CCDC171: variants seen among roughly 807,000 people sequenced by gnomAD.
CCDC171 encodes coiled-coil domain containing 171.
In CCDC171, 177 loss-of-function variants were observed where a neutral mutation model predicts 168.2. The observed-to-expected ratio is 1.05, with a 90% CI of 0.93 to 1.19. The LOEUF is 1.19. Ranked by LOEUF, CCDC171 falls within the 50% of genes most tolerant of loss-of-function variation. CCDC171 has a pLI of 0.00. For synonymous variants in CCDC171, 687 were observed against 540.8 expected, an observed-to-expected ratio of 1.27 and a Z score of -3.75; for missense variants, 1,991 against 1,539.0, an observed-to-expected ratio of 1.29 and a Z score of -4.91.
At chr9:15,699,464 C>T (rs2051502933) in intron 11 of CCDC171, among the ~76,000 whole-genome samples, 2 of 152,146 alleles carry the variant, frequency 1.3e-5, no homozygotes, top group African/African-American at 4.8e-5. Flanking sequence ...TCTTTTTATT[C>T]TCTTATCCGG....
chr9:16,050,395 C>T (rs1486026530), intron 1 of CCDC171, among the ~76,000 whole-genome samples: 1 of 152,182 alleles, frequency 6.6e-6, no homozygotes, highest in South Asian at 2.1e-4. Flanking sequence ...AGACCATAAT[C>T]ACTGTCCAAA....
chr9:15,993,725 A>C (rs1832279715), intron 3 of CCDC171, among the ~76,000 whole-genome samples: 2 of 152,230 alleles, frequency 1.3e-5, no homozygotes, highest in South Asian at 4.1e-4. Flanking sequence ...CAGAATCTAC[A>C]AAGAACTCAA....
intron 25 of CCDC171, among the ~76,000 whole-genome samples, chr9:15,953,322 A>G (rs1829422920): frequency 6.6e-6 from 1 of 152,176 alleles, no homozygotes; most frequent in Non-Finnish European, 1.5e-5. Flanking sequence ...CCTTTCATAT[A>G]TATGACCTTT....
the CCDC171 span, among the ~76,000 whole-genome samples, chr9:16,078,840 T>G: frequency 6.6e-6 from 1 of 152,144 alleles, no homozygotes; most frequent in Non-Finnish European, 1.5e-5. Flanking sequence ...GGGTCAGAAG[T>G]GACTGGTTAC....
rs1347707427 is a variant in CCDC171 at position 15,972,624 on chromosome 9, A to G, written c.*788A>G. On this transcript the variant is annotated 3_prime_UTR_variant, in exon 26 of 26. Transcript: ENST00000380701. ...TTCCCACACTAGGATAGCAGGTAAT[A>G]TATTTAGTATAAGCTGAAAAACTTC... 1 of 152,184 alleles carries G rather than the reference A, an allele frequency of 6.6e-6. No homozygotes were observed. Among genetic ancestry groups the G allele is most frequent in the Admixed American group, 6.6e-5 (1 of 15,262 alleles). The allele number at this position is 152,184 out of a possible 1,614,324, so 9.4% of individuals were successfully genotyped here.
chr9:15,967,051 C>A (rs1278781459), intron 25 of CCDC171, among the ~76,000 whole-genome samples: 1 of 152,062 alleles, frequency 6.6e-6, no homozygotes, highest in African/African-American at 2.4e-5. Context: ...GTGATTTTTG[C>A]CAACTCTGGC....
chr9:15,706,500 C>T (rs1225030317), intron 11 of CCDC171, among the ~76,000 whole-genome samples: 1 of 152,048 alleles, frequency 6.6e-6, no homozygotes, highest in Non-Finnish European at 1.5e-5. Flanking sequence ...GTTGCCCAGG[C>T]TGGTCTCCAA....
chr9:15,786,540 A>T (rs1250564615), intron 21 of CCDC171, among the ~76,000 whole-genome samples: 7 of 152,154 alleles, frequency 4.6e-5, no homozygotes, highest in Non-Finnish European at 1.0e-4. Flanking sequence ...CTTACTTCAA[A>T]CACCATGTCA....
intron 24 of CCDC171, among the ~76,000 whole-genome samples, chr9:15,876,387 A>G (rs1203948340): frequency 6.6e-6 from 1 of 152,156 alleles, no homozygotes; most frequent in African/African-American, 2.4e-5. Context: ...CTTTGAATAT[A>G]TCATCTTATT....
At chr9:15,769,224 G>A (rs2056887229) in intron 18 of CCDC171, among the ~76,000 whole-genome samples, 1 of 152,214 alleles carries the variant, frequency 6.6e-6, no homozygotes. Context: ...AAAACTGAGA[G>A]CATGATAGTA....
At chr9:15,644,926 G>A in intron 7 of CCDC171, among the ~76,000 whole-genome samples, 1 of 152,220 alleles carries the variant, frequency 6.6e-6, no homozygotes, top group East Asian at 1.9e-4. Flanking sequence ...TGAGATCTGA[G>A]AACAAACACA....
At chr9:15,641,878 G>A (rs960219703) in intron 7 of CCDC171, among the ~76,000 whole-genome samples, 2 of 152,176 alleles carry the variant, frequency 1.3e-5, no homozygotes, top group Non-Finnish European at 2.9e-5. Context: ...CAGAACTGTT[G>A]TTTGGCTAGG....
At chr9:15,782,460 G>A (rs2057715246) in intron 20 of CCDC171, among the ~76,000 whole-genome samples, 1 of 152,150 alleles carries the variant, frequency 6.6e-6, no homozygotes. Context: ...GGACAAGAGA[G>A]GCTAAAATTA....
intron 18 of CCDC171, among the ~76,000 whole-genome samples, chr9:15,762,655 G>A (rs1310224536): frequency 6.6e-6 from 1 of 152,128 alleles, no homozygotes; most frequent in Non-Finnish European, 1.5e-5. Flanking sequence ...TAAGCCAAAT[G>A]TATTGTGATA....
intron 8 of CCDC171, among the ~76,000 whole-genome samples, chr9:16,036,918 A>C (rs1380097875): frequency 6.6e-6 from 1 of 152,228 alleles, no homozygotes; most frequent in African/African-American, 2.4e-5. Flanking sequence ...GAGATAAGTC[A>C]GGCACAGAAA....
chr9:16,100,993 A>T, the CCDC171 span, among the ~76,000 whole-genome samples: 1 of 152,274 alleles, frequency 6.6e-6, no homozygotes, highest in South Asian at 2.1e-4. Context: ...ACAGCCTGGG[A>T]ACGGCAGTTG....
At chr9:15,556,474 A>C (rs1315870211) in intron 1 of CCDC171, among the ~76,000 whole-genome samples, 3 of 152,106 alleles carry the variant, frequency 2.0e-5, no homozygotes, top group African/African-American at 7.2e-5. Context: ...TTTGATTTGC[A>C]TTTCTCTGAT....
intron 1 of CCDC171, among the ~76,000 whole-genome samples, chr9:16,058,569 C>G (rs966736325): frequency 3.3e-5 from 5 of 152,204 alleles, no homozygotes; most frequent in Admixed American, 6.5e-5. Context: ...TAAAGAGGGA[C>G]TTTGCAAGGT....
chr9:15,568,880 C>T (rs555876932), intron 2 of CCDC171, among the ~76,000 whole-genome samples: 24 of 151,996 alleles, frequency 1.6e-4, no homozygotes, highest in African/African-American at 5.1e-4. Context: ...TCTTTTGCCA[C>T]GAAGAAGCTC....
Sources: allele counts gnomAD v4.1 joint callset (sites outside exome capture counted in the v4.1 genomes callset), GRCh38; gene constraint gnomAD v4.1.1; transcripts MANE v1.5; gene names NCBI Gene and HGNC (gene_info 2026-07-23, HGNC 2026-07-21).